The following ZFPM2 variants were observed in gnomAD, a reference collection of about 807,000 sequenced individuals.
The protein encoded by ZFPM2 is zinc finger protein, FOG family member 2.
A neutral mutation model predicts 98.6 loss-of-function variants in ZFPM2; 20 were observed. That is an observed-to-expected ratio of 0.20 (90% CI 0.14 to 0.29). The LOEUF is 0.29. Among genes scored for constraint, ZFPM2 ranks in the 10% least tolerant of loss-of-function variants. The pLI is 1.00. For missense variants in ZFPM2, 1,310 were observed against 1,388.6 expected, an observed-to-expected ratio of 0.94 and a Z score of 0.90; for synonymous variants, 518 against 502.7, an observed-to-expected ratio of 1.03 and a Z score of -0.41.
At chr8:105,773,195 A>C (rs1813021152) in intron 5 of ZFPM2, among the ~76,000 whole-genome samples, 1 of 152,258 alleles carries the variant, frequency 6.6e-6, no homozygotes, top group East Asian at 1.9e-4. Context: ...TTTGAAATTG[A>C]CTCTAGGTAT....
chr8:105,328,859 C>A (rs181886402), intron 1 of ZFPM2, among the ~76,000 whole-genome samples: 1 of 151,670 alleles, frequency 6.6e-6, no homozygotes, highest in Non-Finnish European at 1.5e-5. Context: ...AGTACTCTTG[C>A]GTTTTTTGGA....
intron 5 of ZFPM2, among the ~76,000 whole-genome samples, chr8:105,634,972 G>C (rs1816819801): frequency 6.6e-6 from 1 of 152,184 alleles, no homozygotes; most frequent in South Asian, 2.1e-4. Flanking sequence ...TGGCTACAAA[G>C]GAGCAGCAGC....
intron 1 of ZFPM2, chr8:105,418,824 A>T: frequency 1.9e-6 from 1 of 535,710 alleles, no homozygotes. Context: ...ACAAATGAAC[A>T]TAAAGTGCAC....
intron 4 of ZFPM2, among the ~76,000 whole-genome samples, chr8:105,612,954 A>G (rs990084342): frequency 2.0e-5 from 3 of 152,214 alleles, no homozygotes; most frequent in Non-Finnish European, 4.4e-5. Context: ...TTTACTTGAC[A>G]AAGTTGACTT....
chr8:105,488,625 A>T (rs1383274545), intron 3 of ZFPM2, among the ~76,000 whole-genome samples: 2 of 152,094 alleles, frequency 1.3e-5, no homozygotes, highest in East Asian at 3.9e-4. Context: ...TTAGCCGGGC[A>T]TGGTGGTGCG....
At chr8:105,494,160 T>C (rs1255004123) in intron 3 of ZFPM2, among the ~76,000 whole-genome samples, 1 of 132,266 alleles carries the variant, frequency 7.6e-6, no homozygotes, top group Admixed American at 8.6e-5. Context: ...TAGCTTTAGC[T>C]CACATTTAAG....
At chr8:105,396,122 C>T (rs1045232941) in intron 1 of ZFPM2, among the ~76,000 whole-genome samples, 2 of 152,172 alleles carry the variant, frequency 1.3e-5, no homozygotes, top group African/African-American at 4.8e-5. Context: ...GTCATGCTCA[C>T]CCATATCTCT....
chr8:105,635,845 G>T (rs1816837438), intron 5 of ZFPM2, among the ~76,000 whole-genome samples: 1 of 152,062 alleles, frequency 6.6e-6, no homozygotes, highest in African/African-American at 2.4e-5. Context: ...TATTCTTTTA[G>T]TAGAGATAAT....
intron 1 of ZFPM2, among the ~76,000 whole-genome samples, chr8:105,342,492 A>G (rs2129669732): frequency 6.6e-6 from 1 of 152,180 alleles, no homozygotes; most frequent in South Asian, 2.1e-4. Flanking sequence ...AATGTGTGAG[A>G]CATTCGGATG....
At chr8:105,579,384 C>G (rs1423071155) in intron 4 of ZFPM2, among the ~76,000 whole-genome samples, 3 of 152,078 alleles carry the variant, frequency 2.0e-5, no homozygotes, top group African/African-American at 7.2e-5. Flanking sequence ...AAATTTCTTC[C>G]CCCATCTTCA....
intron 3 of ZFPM2, among the ~76,000 whole-genome samples, chr8:105,554,361 A>G (rs920851730): frequency 6.6e-6 from 1 of 152,154 alleles, no homozygotes; most frequent in African/African-American, 2.4e-5. Flanking sequence ...CAGCTGTCAA[A>G]TGGTTAAACC....
At chr8:105,755,149 G>C (rs1476845483) in intron 5 of ZFPM2, among the ~76,000 whole-genome samples, 1 of 152,090 alleles carries the variant, frequency 6.6e-6, no homozygotes, top group Non-Finnish European at 1.5e-5. Context: ...TTTCTAGGAA[G>C]TAAAAATCAT....
chr8:105,578,668 T>A (rs952877876), intron 4 of ZFPM2, among the ~76,000 whole-genome samples: 3 of 151,924 alleles, frequency 2.0e-5, no homozygotes, highest in African/African-American at 7.2e-5. Flanking sequence ...CACCTGGATA[T>A]TAATATTAAT....
intron 3 of ZFPM2, among the ~76,000 whole-genome samples, chr8:105,510,770 A>G (rs955658790): frequency 1.3e-5 from 2 of 152,180 alleles, no homozygotes; most frequent in African/African-American, 4.8e-5. Context: ...GAGATACTGG[A>G]TCGTGGACTC....
At chr8:105,501,507 TTTC>T (rs1374848382) in intron 3 of ZFPM2, among the ~76,000 whole-genome samples, 1 of 151,522 alleles carries the variant, frequency 6.6e-6, no homozygotes, top group Admixed American at 6.6e-5. Context: ...CTTTTTTTTT[TTTC>T]TTTTCTTTTT....
intron 1 of ZFPM2, among the ~76,000 whole-genome samples, chr8:105,376,315 C>G (rs1810724168): frequency 6.6e-6 from 1 of 152,178 alleles, no homozygotes; most frequent in Non-Finnish European, 1.5e-5. Context: ...TGCTCAATAT[C>G]TAGACATTGA....
intron 1 of ZFPM2, among the ~76,000 whole-genome samples, chr8:105,413,505 T>C (rs201916032): frequency 0.042 from 6,020 of 141,742 alleles, 165 homozygotes; most frequent in African/African-American, 0.071. Context: ...TATATATATA[T>C]ATACACACAC....
chr8:105,607,004 A>G lies in ZFPM2; in HGVS notation c.421-27242A>G, dbSNP rs553964056. ...ATGCTGTCCTTGGATTCAATAAGCC[A>G]CTCTCTTCATAAGACCATACCAATT... On this transcript the variant is annotated intron_variant, in intron 4 of 7. Transcript: ENST00000407775. Among the ~76,000 whole-genome samples, 5 of 152,108 alleles carry G rather than the reference A, an allele frequency of 3.3e-5. No individual in the cohort carries two copies. The South Asian group carries it at 1.0e-3, about 32-fold the overall frequency.
chr8:105,363,978 G>T (rs961510735), intron 1 of ZFPM2, among the ~76,000 whole-genome samples: 1 of 151,646 alleles, frequency 6.6e-6, no homozygotes, highest in East Asian at 1.9e-4. Context: ...TGAGATATAG[G>T]TTTTTTTTCT....
Sources: gnomAD v4.1 joint callset for allele counts (sites outside exome capture counted in the v4.1 genomes callset) on GRCh38, gnomAD v4.1.1 for gene constraint, MANE v1.5 for transcripts, NCBI Gene and HGNC (gene_info 2026-07-23, HGNC 2026-07-21) for gene names.